SLC25A24: variants seen among roughly 807,000 people sequenced by gnomAD.
The protein encoded by SLC25A24 is mitochondrial adenyl nucleotide antiporter SLC25A24.
In SLC25A24, 49 loss-of-function variants were observed where a neutral mutation model predicts 60.7. The observed-to-expected ratio is 0.81, with a 90% confidence interval of 0.64 to 1.02. The LOEUF is 1.02. Among genes scored for constraint, SLC25A24 ranks in the 50% least tolerant of loss-of-function variants. The probability of loss-of-function intolerance (pLI) is 0.00; values close to 1 mark genes in which losing one functional copy is unlikely to be tolerated. For synonymous variants in SLC25A24, 202 were observed against 200.6 expected, an observed-to-expected ratio of 1.01 and a Z score of -0.06; for missense variants, 564 against 586.3, an observed-to-expected ratio of 0.96 and a Z score of 0.39.
At chr1:108,187,923 T>TATAG (rs918964442) in intron 1 of SLC25A24, among the ~76,000 whole-genome samples, 13 of 77,130 alleles carry the variant, frequency 1.7e-4, no homozygotes, top group African/African-American at 6.1e-4. Flanking sequence ...GATAAGACAT[T>TATAG]ATAGATATAT....
chr1:108,156,444 T>C (rs1679901804), intron 5 of SLC25A24, among the ~76,000 whole-genome samples: 1 of 152,240 alleles, frequency 6.6e-6, no homozygotes, highest in Admixed American at 6.5e-5. Flanking sequence ...AAGTTACTAC[T>C]GTTCCTAAAG....
intron 9 of SLC25A24, among the ~76,000 whole-genome samples, chr1:108,138,452 G>A (rs1253613398): frequency 1.8e-4 from 27 of 152,176 alleles, no homozygotes; most frequent in African/African-American, 2.4e-5. Flanking sequence ...TAATAGAGTG[G>A]GGATAGCAAT....
At chr1:108,143,952 G>A (rs921930276) in intron 7 of SLC25A24, among the ~76,000 whole-genome samples, 1 of 152,160 alleles carries the variant, frequency 6.6e-6, no homozygotes, top group African/African-American at 2.4e-5. Flanking sequence ...ATGGAAGCAA[G>A]ATAATCTATT....
chr1:108,160,233 C>T (rs1680027808), intron 4 of SLC25A24, among the ~76,000 whole-genome samples: 1 of 151,732 alleles, frequency 6.6e-6, no homozygotes, highest in Non-Finnish European at 1.5e-5. Flanking sequence ...CCTCACATCC[C>T]AGACGGGGCG....
At chr1:108,167,484 A>T (rs932950902) in intron 3 of SLC25A24, among the ~76,000 whole-genome samples, 4 of 152,214 alleles carry the variant, frequency 2.6e-5, no homozygotes, top group Non-Finnish European at 4.4e-5. Flanking sequence ...TGCAGGATAT[A>T]ATCTCCTGGT....
chr1:108,164,378 TC>T (rs1680182696), intron 3 of SLC25A24, among the ~76,000 whole-genome samples: 1 of 149,648 alleles, frequency 6.7e-6, no homozygotes, highest in African/African-American at 2.4e-5. Flanking sequence ...TACCAGTTCC[TC>T]CTTGTACCTC....
chr1:108,139,804 G>A (rs1053639682), intron 8 of SLC25A24, among the ~76,000 whole-genome samples: 7 of 152,026 alleles, frequency 4.6e-5, no homozygotes, highest in Non-Finnish European at 1.5e-5. Context: ...TAGAGACAGG[G>A]TTTCACCATG....
chr1:108,184,158 G>T (rs920684948), intron 2 of SLC25A24, among the ~76,000 whole-genome samples: 5 of 152,092 alleles, frequency 3.3e-5, no homozygotes, highest in African/African-American at 1.2e-4. Flanking sequence ...TTTAATTATT[G>T]CCTCTGGTTC....
intron 1 of SLC25A24, among the ~76,000 whole-genome samples, chr1:108,190,343 G>A (rs80280322): frequency 0.052 from 7,885 of 152,196 alleles, 264 homozygotes; most frequent in South Asian, 0.087. Flanking sequence ...AAATTAGGGG[G>A]GCTGTCGGTT....
chr1:108,160,282 G>T (rs1231565672), intron 4 of SLC25A24, among the ~76,000 whole-genome samples: 1 of 150,786 alleles, frequency 6.6e-6, no homozygotes, highest in Non-Finnish European at 1.5e-5. Flanking sequence ...GACGATGGGC[G>T]GCCGGGCAGA....
At position 108,136,540 on chromosome 1, in the gene SLC25A24, T is replaced by C. The variant is rs1351056615; in HGVS notation, c.*113A>G. The C allele has an allele frequency of 9.4e-6, 8 of 855,218 alleles. No individual in the cohort carries two copies. In the East Asian group the frequency reaches 2.1e-4, roughly 22 times the overall value. The allele number at this position is 855,218 out of a possible 1,614,324, so 53.0% of individuals were successfully genotyped here. ...TGACCATTGTTACCATCTTCCCTTT[T>C]GTGAAAAAAATGCAGCTTCTTTTGC... On this transcript the variant is annotated 3_prime_UTR_variant, in exon 10 of 10. Coordinates refer to ENST00000565488, the MANE Select transcript of SLC25A24 (RefSeq NM_013386.5).
At chr1:108,163,555 C>G (rs909305177) in intron 3 of SLC25A24, among the ~76,000 whole-genome samples, 1 of 152,084 alleles carries the variant, frequency 6.6e-6, no homozygotes, top group African/African-American at 2.4e-5. Flanking sequence ...CTCTTTGTAG[C>G]AATTGTGAAC....
chr1:108,171,949 T>A (rs1647476905), intron 3 of SLC25A24, among the ~76,000 whole-genome samples: 1 of 152,202 alleles, frequency 6.6e-6, no homozygotes, highest in Non-Finnish European at 1.5e-5. Flanking sequence ...ACCACTGAGC[T>A]ATACAAACAA....
Position 108,162,254 on chromosome 1 carries a change from A to G in SLC25A24, c.399-961T>C, listed in dbSNP as rs939576855. ...TTGTGAATAGTGCCACAATAAACAT[A>G]CATGTGCATGTGTCTTTATAGCAGC... On this transcript the variant is annotated intron_variant, in intron 3 of 9. Transcript: ENST00000565488. 1.6e-4 allele frequency among the ~76,000 whole-genome samples: 24 copies of G among 149,978 alleles called. No individual in the cohort carries two copies. In the East Asian group the frequency reaches 3.4e-3, roughly 21 times the overall value.
chr1:108,191,342 C>T (rs1648338826), intron 1 of SLC25A24, among the ~76,000 whole-genome samples: 1 of 139,362 alleles, frequency 7.2e-6, no homozygotes, highest in African/African-American at 2.5e-5. Context: ...ATTGGCCAGG[C>T]TGGTCTTGAA....
chr1:108,192,751 G>C, intron 1 of SLC25A24: 1 of 1,372,160 alleles, frequency 7.3e-7, no homozygotes, highest in Non-Finnish European at 9.5e-7. Context: ...TCCTCCTCAG[G>C]GGCGCCAAAC....
At chr1:108,153,677 T>G (rs1192353056) in intron 6 of SLC25A24, among the ~76,000 whole-genome samples, 1 of 152,152 alleles carries the variant, frequency 6.6e-6, no homozygotes, top group Admixed American at 6.5e-5. Flanking sequence ...TTTCTCTTCA[T>G]GTCTAAGAAA....
chr1:108,158,761 G>T (rs956715079), intron 4 of SLC25A24, among the ~76,000 whole-genome samples: 3 of 150,768 alleles, frequency 2.0e-5, no homozygotes, highest in African/African-American at 7.3e-5. Flanking sequence ...CCAGCACTTT[G>T]GGAGGCGAGG....
At chr1:108,140,401 G>C (rs527280760) in intron 8 of SLC25A24, among the ~76,000 whole-genome samples, 3 of 151,960 alleles carry the variant, frequency 2.0e-5, no homozygotes, top group South Asian at 4.2e-4. Flanking sequence ...AAGGCTAAAA[G>C]GAGAAACAAA....
Sources: gnomAD v4.1 joint callset for allele counts (sites outside exome capture counted in the v4.1 genomes callset) on GRCh38, gnomAD v4.1.1 for gene constraint, MANE v1.5 for transcripts, NCBI Gene and HGNC (gene_info 2026-07-23, HGNC 2026-07-21) for gene names.